The following RAD54L2 variants were observed in gnomAD, a reference collection of about 807,000 sequenced individuals.
RAD54L2 encodes the protein helicase ARIP4.
In RAD54L2, 27 loss-of-function variants were observed where a neutral mutation model predicts 138.4. The observed-to-expected ratio is 0.20, with a 90% CI of 0.14 to 0.27. The LOEUF (loss-of-function observed/expected upper bound fraction) is 0.27, where lower values mean the gene tolerates loss of function less well. Among genes scored for constraint, RAD54L2 ranks in the 10% least tolerant of loss-of-function variants. RAD54L2 has a pLI of 1.00. For missense variants in RAD54L2, 1,396 were observed against 1,890.2 expected (o/e 0.74, Z 4.85); for synonymous variants, 644 against 723.2 (o/e 0.89, Z 1.76).
chr3:51,631,012 C>G lies in RAD54L2; in HGVS notation c.825+81C>G, dbSNP rs1447484869. On this transcript the variant is annotated intron_variant, in intron 7 of 22. Coordinates refer to ENST00000684192, the MANE Select transcript of RAD54L2 (RefSeq NM_015106.4). ...ATTGCCTGCTGGTGGTTATTAGCGTCACAGCCTGTGAAGTACTTGTTTGGT... is the reference window on the plus strand; with the variant it reads ...ATTGCCTGCTGGTGGTTATTAGCGTGACAGCCTGTGAAGTACTTGTTTGGT... The G allele has an allele frequency of 2.2e-6, 3 of 1,374,842 alleles. No individual in the cohort carries two copies. In the African/African-American group the frequency reaches 4.3e-5, roughly 20 times the overall value. The allele number at this position is 1,374,842 out of a possible 1,614,324, so 85.2% of individuals were successfully genotyped here.
At chr3:51,622,737 G>C (rs1448436202) in intron 3 of RAD54L2, among the ~76,000 whole-genome samples, 2 of 152,152 alleles carry the variant, frequency 1.3e-5, no homozygotes, top group African/African-American at 4.8e-5. Context: ...CCCAGGACAG[G>C]GGTTGACTTC....
Position 51,638,117 on chromosome 3 carries a change from C to A in RAD54L2, c.1683-27C>A, listed in dbSNP as rs372750645. Reference sequence around the variant, plus strand: ...GACCCCTCCTGGCCACACTACCTTGCCGTTTCTGTTCTGTTTGCCTCCATA... The same window carrying A: ...GACCCCTCCTGGCCACACTACCTTGACGTTTCTGTTCTGTTTGCCTCCATA... On this transcript the variant is annotated intron_variant, in intron 11 of 22. Transcript: ENST00000684192. This position sits in a 1 kb window ranked among gnomAD's most constrained non-coding sequence, Gnocchi z 4.3. 1.6e-5 allele frequency: 25 copies of A among 1,610,270 alleles called. No homozygotes were observed. The African/African-American group carries it at 3.3e-4, about 22-fold the overall frequency.
chr3:51,549,528 G>A lies in RAD54L2; in HGVS notation c.-55+7878G>A, dbSNP rs1328219874. 6.6e-5 allele frequency among the ~76,000 whole-genome samples: 10 copies of A among 152,204 alleles called. 1 individual carries two copies. The South Asian group carries it at 2.1e-3, about 32-fold the overall frequency. The stretch of plus-strand genomic sequence containing the variant: ...TGTAATCCCACCACTTTGGCAGGCC[G>A]AGGCCAGGGCGGGGCGGTGGAGGGA... On this transcript the variant is annotated intron_variant, in intron 2 of 22. Coordinates refer to ENST00000684192, the MANE Select transcript of RAD54L2 (RefSeq NM_015106.4).
At chr3:51,563,937 T>C (rs752577613) in intron 2 of RAD54L2, among the ~76,000 whole-genome samples, 29 of 152,228 alleles carry the variant, frequency 1.9e-4, no homozygotes, top group Admixed American at 3.3e-4. Flanking sequence ...TGTAAATCTT[T>C]TTTAAAACAT....
At chr3:51,589,492 A>G (rs1699787900) in intron 2 of RAD54L2, among the ~76,000 whole-genome samples, 1 of 152,200 alleles carries the variant, frequency 6.6e-6, no homozygotes, top group Admixed American at 6.5e-5. Context: ...ACTTCATGAT[A>G]GCATGGTGGA....
chr3:51,549,348 ACT>A (rs1698777588), intron 2 of RAD54L2, among the ~76,000 whole-genome samples: 1 of 151,808 alleles, frequency 6.6e-6, no homozygotes, highest in African/African-American at 2.4e-5. Flanking sequence ...AGAGAGCTCT[ACT>A]CTCTTTACAG....
chr3:51,636,317 C>T (rs1328129977), intron 10 of RAD54L2, among the ~76,000 whole-genome samples: 2 of 152,206 alleles, frequency 1.3e-5, no homozygotes, highest in African/African-American at 4.8e-5. Flanking sequence ...GGCCATTTCA[C>T]TTTAGAAGTC....
rs899080742 is a variant in RAD54L2, at chr3:51,639,783, A to G, written c.2113-98A>G. 3 of 1,508,656 alleles carry G rather than the reference A, an allele frequency of 2.0e-6. No individual in the cohort carries two copies. The African/African-American group carries it at 4.2e-5, about 21-fold the overall frequency. The allele number at this position is 1,508,656 out of a possible 1,614,324, so 93.5% of individuals were successfully genotyped here. ...GGCTAGGGTCTCTGTATGGAATTAT[A>G]AAGGTGGCCAGTGAGCTGCTGCCTT... On this transcript the variant is annotated intron_variant, in intron 13 of 22. Transcript: ENST00000684192.
chr3:51,597,186 A>G (rs1445088931), intron 3 of RAD54L2, among the ~76,000 whole-genome samples: 1 of 151,168 alleles, frequency 6.6e-6, no homozygotes, highest in East Asian at 1.9e-4. Context: ...AAAAAAAAAA[A>G]AAACCCCACA....
rs553050487 is a variant in RAD54L2, at chr3:51,589,540, CAG to C, written c.-54-822_-54-821del. The stretch of plus-strand genomic sequence containing the variant: ...GCTCATTGCTGTTACTCAGCATTGC[CAG>C]AGAGTATAGTTCCATATGTCACTAG... On this transcript the variant is annotated intron_variant, in intron 2 of 22. Coordinates refer to ENST00000684192, the MANE Select transcript of RAD54L2 (RefSeq NM_015106.4). Among the ~76,000 whole-genome samples the C allele has an allele frequency of 5.3e-5, 8 of 152,196 alleles. No individual in the cohort carries two copies. The South Asian group carries it at 1.7e-3, about 32-fold the overall frequency.
intron 3 of RAD54L2, among the ~76,000 whole-genome samples, chr3:51,608,156 G>C (rs1421684654): frequency 6.6e-6 from 1 of 151,640 alleles, no homozygotes; most frequent in African/African-American, 2.4e-5. Context: ...ACGAGGTGGC[G>C]GCGGGGCAGA....
intron 2 of RAD54L2, among the ~76,000 whole-genome samples, chr3:51,566,956 T>C (rs1280656997): frequency 6.6e-6 from 1 of 152,196 alleles, no homozygotes; most frequent in Non-Finnish European, 1.5e-5. Flanking sequence ...ATGCAGCTTT[T>C]ATGTTGTCTT....
chr3:51,668,198 C>A lies in RAD54L2; in HGVS notation c.*4778C>A. 1 of 152,330 alleles carries A rather than the reference C, an allele frequency of 6.6e-6. No homozygotes were observed. 9.4% of individuals were successfully genotyped at this position (152,330 alleles called of 1,614,324 possible). ...GGGGACTCACCAGAAGAATCCCCCC[C>A]AGCCTGCCCAAGACAGGTTTTTCCC... On this transcript the variant is annotated 3_prime_UTR_variant, in exon 23 of 23. Coordinates refer to ENST00000684192, the MANE Select transcript of RAD54L2 (RefSeq NM_015106.4).
chr3:51,619,696 G>T (rs1700525826), intron 3 of RAD54L2, among the ~76,000 whole-genome samples: 1 of 152,034 alleles, frequency 6.6e-6, no homozygotes, highest in Non-Finnish European at 1.5e-5. Flanking sequence ...ATTACTACTG[G>T]TGTGTCATAA....
Position 51,645,749 on chromosome 3 carries a change from C to T in RAD54L2, c.2815C>T (p.His939Tyr). 1 of 1,610,150 alleles carries T rather than the reference C, an allele frequency of 6.2e-7. No individual in the cohort carries two copies. Among genetic ancestry groups the T allele is most frequent in the South Asian group, 1.1e-5 (1 of 90,150 alleles). The change falls in exon 18 of 23, where the codon CAC (histidine) becomes TAC (tyrosine). Residue 939 changes from histidine to tyrosine, a missense_variant. Around this residue, in one of 7 missense-constraint regions of RAD54L2, gnomAD observed 634 missense variants for 711.2 expected, o/e 0.89. Coordinates refer to ENST00000684192, the MANE Select transcript of RAD54L2 (RefSeq NM_015106.4). This position sits in a 1 kb window ranked among gnomAD's most constrained non-coding sequence, Gnocchi z 6.1. Reference protein sequence around the residue: ...VLQLACLKYPHLITKEPFEHE... With the variant: ...VLQLACLKYPYLITKEPFEHE... The stretch of plus-strand genomic sequence containing the variant: ...GCAACTGGCCTGTCTGAAGTACCCT[C>T]ACCTCATCACCAAGGTAAGAACTTG...
In RAD54L2 at chr3:51,646,287, GC is replaced by G; in HGVS notation, c.2834del (p.Pro945LeufsTer9). On this transcript the variant is annotated frameshift_variant, in exon 19 of 23. Transcript: ENST00000684192. LOFTEE classifies it high-confidence loss of function. ...LKYPHLITKE[P>X]FEHESLLLNR... ...TCAACATCCTCCTGTGTCCCCAGGA[GC>G]CTTTCGAGCATGAGTCATTGCTCTT... is the stretch of plus-strand genomic sequence containing the variant. 6.3e-7 allele frequency: 1 copy of G among 1,580,126 alleles called. No homozygotes were observed. The highest frequency in any genetic ancestry group is 8.6e-7 in the Non-Finnish European group (1 of 1,163,310).
At chr3:51,571,487 G>T (rs929336982) in intron 2 of RAD54L2, among the ~76,000 whole-genome samples, 1 of 151,316 alleles carries the variant, frequency 6.6e-6, no homozygotes, top group South Asian at 2.1e-4. Flanking sequence ...CGCCTCCCGG[G>T]TTCAAGCAAT....
chr3:51,656,293 A>C, intron 20 of RAD54L2, 123 bp downstream of exon 20: 1 of 878,480 alleles, frequency 1.1e-6, no homozygotes, highest in Middle Eastern at 3.3e-4. Context: ...ACTCTTGGTA[A>C]AAAATAGGGA....
chr3:51,603,496 A>C (rs1185017951), intron 3 of RAD54L2, among the ~76,000 whole-genome samples: 2 of 152,004 alleles, frequency 1.3e-5, no homozygotes, highest in Admixed American at 1.3e-4. Context: ...AATCCTAGCT[A>C]CTTGGGAGAC....
Sources: allele counts gnomAD v4.1 joint callset (sites outside exome capture counted in the v4.1 genomes callset), GRCh38; gene constraint gnomAD v4.1.1; regional missense constraint gnomAD v4.1.1; non-coding constraint Gnocchi (gnomAD v3.1); transcripts MANE v1.5; gene names NCBI Gene and HGNC (gene_info 2026-07-23, HGNC 2026-07-21).